Variants in CDAN1 observed in about 807,000 individuals in gnomAD.
The protein encoded by CDAN1 is codanin-1.
Under a neutral mutation model 139.8 loss-of-function variants are expected in CDAN1, and 107 were observed. The ratio of observed to expected loss-of-function variants is 0.77; its 90% CI spans 0.65 to 0.90. The LOEUF (loss-of-function observed/expected upper bound fraction) is 0.90. Among genes scored for constraint, CDAN1 ranks in the 40% least tolerant of loss-of-function variants. CDAN1 has a pLI of 0.00. For synonymous variants in CDAN1, 776 were observed against 660.6 expected, an observed-to-expected ratio of 1.17 and a Z score of -2.68; for missense variants, 1,667 against 1,575.7, an observed-to-expected ratio of 1.06 and a Z score of -0.98.
At position 42,730,986 on chromosome 15, in the gene CDAN1, CG is replaced by C. The variant is rs1566984555; in HGVS notation, c.1945del (p.Arg649GlyfsTer92). 4 of 1,614,010 alleles carry C rather than the reference CG, an allele frequency of 2.5e-6. No homozygotes were observed. Among genetic ancestry groups the C allele is most frequent in the Non-Finnish European group, 2.5e-6 (3 of 1,180,038 alleles). On this transcript the variant is annotated frameshift_variant, in exon 13 of 28. Coordinates refer to ENST00000356231, the MANE Select transcript of CDAN1 (RefSeq NM_138477.4). LOFTEE classifies it high-confidence loss of function. ...ACCGGTCGGGGGAGGTTCAGGCCCC[CG>C]GTATGGCAGGAAAGCCACAAAGCCC... ...FLGFVAFLPY[R>X]GPEPPPTGEL...
In CDAN1 at chr15:42,735,538, T is replaced by C. The variant is rs1013951786; in HGVS notation, c.915A>G (p.Val305=). The part of the protein sequence containing the change: ...RVSSRQRLEL[V]ALVYSSCIAE... Reference sequence around the variant, plus strand: ...CAATGCACGAGGAGTAAACAAGGGCTACAAGCTCCAGGCGCTGGCGGGAAG... The same window carrying C: ...CAATGCACGAGGAGTAAACAAGGGCCACAAGCTCCAGGCGCTGGCGGGAAG... Residue 305 remains valine (V), a synonymous_variant, in exon 4 of 28, where the codon GTA becomes GTG. Coordinates refer to ENST00000356231, the MANE Select transcript of CDAN1 (RefSeq NM_138477.4). 1.2e-5 allele frequency: 20 copies of C among 1,614,214 alleles called. No homozygotes were observed. The highest frequency in any genetic ancestry group is 1.7e-5 in the Non-Finnish European group (20 of 1,180,044).
chr15:42,737,014 T>G lies in CDAN1; in HGVS notation c.89A>C (p.Glu30Ala). The change falls in exon 1 of 28, where the codon GAG (glutamate) becomes GCG (alanine). Residue 30 changes from glutamate to alanine, a missense_variant and splice_region_variant. Physicochemically the swap from Glu to Ala is moderately radical, Grantham distance 107. This residue lies in a region of CDAN1 where 487 missense variants were observed against 422.2 expected (regional missense o/e 1.15). Coordinates refer to ENST00000356231, the MANE Select transcript of CDAN1 (RefSeq NM_138477.4). ...RWIARSTQGSEDNAGEAAALS... is the reference protein window; with the variant it reads ...RWIARSTQGSADNAGEAAALS... ...CTGGGGGCGTGTCACCGCTGTTACC[T>G]CCGAACCCTGGGTGCTGCGCGCGAT... The G allele has an allele frequency of 1.9e-6, 3 of 1,543,628 alleles. No individual in the cohort carries two copies. The highest frequency in any genetic ancestry group is 2.6e-6 in the Non-Finnish European group (3 of 1,142,760).
chr15:42,730,037 C>T (rs2061588241), intron 15 of CDAN1, 91 bp downstream of exon 15: 3 of 1,361,968 alleles, frequency 2.2e-6, no homozygotes, highest in Non-Finnish European at 3.1e-6. Context: ...CTTCGTCTTC[C>T]AGCCCTTGCC....
At position 42,729,014 on chromosome 15, in the gene CDAN1, C is replaced by T. The variant is rs760826454; in HGVS notation, c.2645+9G>A. On this transcript the variant is annotated intron_variant, in intron 19 of 27. Coordinates refer to ENST00000356231, the MANE Select transcript of CDAN1 (RefSeq NM_138477.4). Reference sequence around the variant, plus strand: ...GGCGATGAGACCAGGATCCTTAACCCACTCTTACTTGATATGTTTGACACA... The same window carrying T: ...GGCGATGAGACCAGGATCCTTAACCTACTCTTACTTGATATGTTTGACACA... 1.2e-6 allele frequency: 2 copies of T among 1,613,210 alleles called. No homozygotes were observed. Among genetic ancestry groups the T allele is most frequent in the African/African-American group, 1.3e-5 (1 of 75,038 alleles).
intron 21 of CDAN1, 24 bp from the exon 22 acceptor site, chr15:42,728,057 A>AG: frequency 6.2e-7 from 1 of 1,611,330 alleles, no homozygotes. Flanking sequence ...CTACAGAGTC[A>AG]GGGGCTAGGG....
intron 10 of CDAN1, 64 bp downstream of exon 10, chr15:42,732,269 C>A: frequency 6.8e-7 from 1 of 1,471,172 alleles, no homozygotes. Flanking sequence ...AAAGTGCAGC[C>A]GTTAAGTGGC....
rs367710415 is a variant in CDAN1 at position 42,725,226 on chromosome 15, C to T, written c.3476G>A (p.Arg1159Gln). Residue 1159 changes from arginine (R) to glutamine (Q), a missense_variant, in exon 27 of 28, where the codon CGG becomes CAG. Coordinates refer to ENST00000356231, the MANE Select transcript of CDAN1 (RefSeq NM_138477.4). Reference protein sequence around the residue: ...REWDLLLFLLRELVEKGLMGR... With the variant: ...REWDLLLFLLQELVEKGLMGR... ...CATCAGACCCTTCTCCACCAGCTCCCGTAGCAAGAATAGCAGCAAGTCCCA... is the reference window on the plus strand; with the variant it reads ...CATCAGACCCTTCTCCACCAGCTCCTGTAGCAAGAATAGCAGCAAGTCCCA... The T allele has an allele frequency of 2.1e-5, 34 of 1,614,054 alleles. No homozygotes were observed. Among genetic ancestry groups the T allele is most frequent in the African/African-American group, 1.3e-4 (10 of 74,912 alleles).
chr15:42,730,471 G>C, intron 14 of CDAN1, 127 bp downstream of exon 14: 1 of 1,157,190 alleles, frequency 8.6e-7, no homozygotes, highest in Non-Finnish European at 1.3e-6. Flanking sequence ...GCCTCTCCCA[G>C]GGCTCAGTTA....
rs190319184 is a variant in CDAN1 at position 42,735,459 on chromosome 15, C to A, written c.943+51G>T. ...TCCAAGTGCCTTACCAATTCTCTTA[C>A]CCATAAGTTCTACAAGTGTCTCCAC... On this transcript the variant is annotated intron_variant, in intron 4 of 27. Coordinates refer to ENST00000356231, the MANE Select transcript of CDAN1 (RefSeq NM_138477.4). 21 of 1,607,934 alleles carry A rather than the reference C, an allele frequency of 1.3e-5. No individual in the cohort carries two copies. In the African/African-American group the frequency reaches 1.7e-4, roughly 13 times the overall value.
At chr15:42,727,500 A>C in intron 23 of CDAN1, 121 bp downstream of exon 23, 1 of 908,094 alleles carries the variant, frequency 1.1e-6, no homozygotes, top group Non-Finnish European at 1.6e-6. Context: ...AACGGGGACT[A>C]GCTGGACAGC....
At position 42,724,344 on chromosome 15, in the gene CDAN1, G is replaced by A; in HGVS notation, c.*147C>T. 1.9e-6 allele frequency: 2 copies of A among 1,072,866 alleles called. No individual in the cohort carries two copies. The highest frequency in any genetic ancestry group is 2.7e-6 in the Non-Finnish European group (2 of 732,502). The allele number at this position is 1,072,866 out of a possible 1,614,324, so 66.5% of individuals were successfully genotyped here. A position where few individuals can be genotyped will look rare whatever the true frequency, so the allele number is the denominator to read the frequency against. ...CTAGGATTCGCGTGGTGGGATGCCA[G>A]GCAGTGACACCCTTAGAGCAGGAAG... On this transcript the variant is annotated 3_prime_UTR_variant, in exon 28 of 28. Transcript: ENST00000356231.
At chr15:42,734,391 G>T in intron 6 of CDAN1, 45 bp from the exon 7 acceptor site, 2 of 1,612,680 alleles carry the variant, frequency 1.2e-6, no homozygotes, top group Non-Finnish European at 1.7e-6. Context: ...AACACAGACT[G>T]CAAGTAGGAA....
chr15:42,733,790 G>T, intron 8 of CDAN1, 148 bp downstream of exon 8: 1 of 679,086 alleles, frequency 1.5e-6, no homozygotes. Flanking sequence ...AAGCCAGGTG[G>T]TCCCTATGAT....
intron 11 of CDAN1, 105 bp downstream of exon 11, chr15:42,731,515 G>T: frequency 7.0e-7 from 1 of 1,435,524 alleles, no homozygotes; most frequent in Non-Finnish European, 9.8e-7. Flanking sequence ...GAGCTGGAAG[G>T]AGCCTATCTC....
In CDAN1 at chr15:42,729,577, G is replaced by A. The variant is rs1441249157; in HGVS notation, c.2398C>T (p.Pro800Ser). 1 of 1,614,140 alleles carries A rather than the reference G, an allele frequency of 6.2e-7. No individual in the cohort carries two copies. The highest frequency in any genetic ancestry group is 8.5e-7 in the Non-Finnish European group (1 of 1,180,022). Residue 800 changes from proline (P) to serine (S), a missense_variant, in exon 17 of 28, where the codon CCC (proline) becomes TCC (serine). This residue lies in a region of CDAN1 where 936 missense variants were observed against 844.1 expected (regional missense o/e 1.11). Coordinates refer to ENST00000356231, the MANE Select transcript of CDAN1 (RefSeq NM_138477.4). The stretch of plus-strand genomic sequence containing the variant: ...GAAGACCGGTGCTCACCGATGTAGG[G>A]GCAGCAGGTGTAGAGCAGCTGCTGG... ...VDQQLLYTCC[P>S]YIGELRKLLA... is the part of the protein sequence containing the mutation.
In CDAN1 at chr15:42,729,296, C is replaced by T. The variant is rs1473902120; in HGVS notation, c.2474G>A (p.Arg825Lys). ...GGTGGTAGTGGTGGGGGTGATTTTCCTCATGAAGCCCCCACTCCGTCCACT... is the reference window on the plus strand; with the variant it reads ...GGTGGTAGTGGTGGGGGTGATTTTCTTCATGAAGCCCCCACTCCGTCCACT... ...GSSGRSGGFM[R>K]KITPTTTTSL... Residue 825 changes from arginine (R) to lysine (K), a missense_variant, in exon 18 of 28, where the codon AGG (arginine) becomes AAG (lysine). Arg to Lys is a conservative substitution (Grantham distance 26). Transcript: ENST00000356231. 1 of 1,613,848 alleles carries T rather than the reference C, an allele frequency of 6.2e-7. No individual in the cohort carries two copies. Among genetic ancestry groups the T allele is most frequent in the Non-Finnish European group, 8.5e-7 (1 of 1,179,960 alleles).
Position 42,731,812 on chromosome 15 carries a change from G to T in CDAN1, c.1547C>A (p.Pro516His). The change falls in exon 11 of 28, where the codon CCT (proline) becomes CAT (histidine). Residue 516 changes from proline to histidine, a missense_variant. Pro to His is a moderately conservative substitution (Grantham distance 77). Coordinates refer to ENST00000356231, the MANE Select transcript of CDAN1 (RefSeq NM_138477.4). ...CAAGACGGTGCCCCCAGCACCACCA[G>T]GGCTCTGACACATCTAGGGTGGAAG... ...QKQLLQMCQS[P>H]GGAGGTVLGE... The T allele has an allele frequency of 6.2e-7, 1 of 1,613,974 alleles. No homozygotes were observed. Among genetic ancestry groups the T allele is most frequent in the South Asian group, 1.1e-5 (1 of 91,080 alleles).
chr15:42,724,878 T>C, intron 27 of CDAN1: 1 of 607,248 alleles, frequency 1.6e-6, no homozygotes, highest in Non-Finnish European at 2.9e-6. Context: ...GAAATTATTA[T>C]TCCCGTTAAA....
intron 23 of CDAN1, chr15:42,726,625 A>G (rs1251313662): frequency 3.4e-6 from 2 of 595,898 alleles, no homozygotes; most frequent in African/African-American, 3.7e-5. Flanking sequence ...AAGAGGGAAC[A>G]GATGGAGGTC....
Sources: gnomAD v4.1 joint callset for allele counts on GRCh38, gnomAD v4.1.1 for gene constraint, gnomAD v4.1.1 regional missense constraint, MANE v1.5 for transcripts, NCBI Gene and HGNC (gene_info 2026-07-23, HGNC 2026-07-21) for gene names.